FDFT1: variants seen among roughly 807,000 people sequenced by gnomAD.
FDFT1 encodes farnesyl-diphosphate farnesyltransferase 1, also known as squalene synthase.
FDFT1 carries 68 observed loss-of-function variants against 46.8 expected under a neutral mutation model. The observed-to-expected ratio is 1.45, with a 90% CI of 1.19 to 1.78. FDFT1 has a LOEUF of 1.78. Ranked by LOEUF, FDFT1 falls within the 40% of genes most tolerant of loss-of-function variation. The pLI is 0.00. For synonymous variants in FDFT1, 351 were observed against 185.1 expected, an observed-to-expected ratio of 1.90 and a Z score of -7.28; for missense variants, 928 against 524.4, an observed-to-expected ratio of 1.77 and a Z score of -7.52.
At chr8:11,837,503 A>C (rs1209980809) in intron 7 of FDFT1, among the ~76,000 whole-genome samples, 1 of 152,182 alleles carries the variant, frequency 6.6e-6, no homozygotes, top group Non-Finnish European at 1.5e-5. Context: ...AAGTGCTGGG[A>C]TTCCAAACAT....
chr8:11,813,826 A>G (rs566932954), intron 3 of FDFT1, among the ~76,000 whole-genome samples: 1 of 152,308 alleles, frequency 6.6e-6, no homozygotes, highest in South Asian at 2.1e-4. Context: ...TCCTGGCTCA[A>G]TTCACATGTC....
chr8:11,800,318 C>A (rs184325978), upstream of FDFT1, among the ~76,000 whole-genome samples: 1 of 139,012 alleles, frequency 7.2e-6, no homozygotes. Context: ...ATTTACTAAG[C>A]AGGCCATTTT....
intron 3 of FDFT1, among the ~76,000 whole-genome samples, chr8:11,816,384 G>C (rs1168189988): frequency 1.3e-5 from 2 of 152,132 alleles, no homozygotes; most frequent in Non-Finnish European, 2.9e-5. Context: ...ATTTAAAGTA[G>C]TTTTTTCCAA....
intron 3 of FDFT1, among the ~76,000 whole-genome samples, chr8:11,813,019 C>CT (rs1233508537): frequency 1.4e-5 from 2 of 147,590 alleles, no homozygotes; most frequent in Non-Finnish European, 3.0e-5. Flanking sequence ...GACGTAGGCT[C>CT]TGTGGTACAG....
chr8:11,804,207 G>C (rs569093258), intron 1 of FDFT1, among the ~76,000 whole-genome samples: 1 of 152,218 alleles, frequency 6.6e-6, no homozygotes, highest in Non-Finnish European at 1.5e-5. Flanking sequence ...AAGCACTGCA[G>C]AGGAAGATAC....
intron 4 of FDFT1, 142 bp from the exon 5 acceptor site, chr8:11,825,882 G>A (rs181549598): frequency 2.2e-6 from 1 of 461,190 alleles, no homozygotes; most frequent in Non-Finnish European, 3.9e-6. Context: ...TTAAATCCTG[G>A]TATGTATATT....
intron 1 of FDFT1, among the ~76,000 whole-genome samples, chr8:11,803,987 T>A (rs1032456111): frequency 6.6e-6 from 1 of 152,270 alleles, no homozygotes; most frequent in African/African-American, 2.4e-5. Flanking sequence ...CTTCTATTAT[T>A]TGATATGGCA....
In FDFT1 at chr8:11,825,799, AATAAAAAC is replaced by A. The variant is rs563187781; in HGVS notation, c.511-222_511-215del. Among the ~76,000 whole-genome samples the A allele has an allele frequency of 8.5e-5, 13 of 152,344 alleles. No individual in the cohort carries two copies. The South Asian group carries it at 2.7e-3, about 32-fold the overall frequency. On this transcript the variant is annotated intron_variant, in intron 4 of 7. Transcript: ENST00000220584. ...AGAAATTTGGAAAATACAAGTGAAAAATAAAAACATCAAATTCCCGTCAGCCAGAGACT... is the reference window on the plus strand; with the variant it reads ...AGAAATTTGGAAAATACAAGTGAAAAATCAAATTCCCGTCAGCCAGAGACT...
chr8:11,798,319 C>G (rs1300001742), upstream of FDFT1, among the ~76,000 whole-genome samples: 3 of 152,162 alleles, frequency 2.0e-5, no homozygotes, highest in Non-Finnish European at 2.9e-5. Context: ...ATTGGTCTTC[C>G]CAAGTGCTGG....
At position 11,809,820 on chromosome 8, in the gene FDFT1, G is replaced by C. The variant is rs1033734483; in HGVS notation, c.351G>C (p.Lys117Asn). The C allele has an allele frequency of 8.1e-6, 13 of 1,613,818 alleles. No individual in the cohort carries two copies. The African/African-American group carries it at 1.6e-4, about 20-fold the overall frequency. Residue 117 changes from lysine (K) to asparagine (N), a missense_variant, in exon 3 of 8, where the codon AAG (lysine) becomes AAC (asparagine). Transcript: ENST00000220584. ...PDWRFMESKE[K>N]DRQVLEDFPT... ...GGCGGTTCATGGAGAGCAAGGAGAA[G>C]GATCGCCAGGTGCTGGAGGACTTCC...
intron 3 of FDFT1, chr8:11,810,064 C>T (rs139028600): frequency 9.6e-6 from 5 of 519,000 alleles, no homozygotes; most frequent in Non-Finnish European, 1.7e-5. Flanking sequence ...TGGTTACTTA[C>T]AAAGACTCTC....
rs773358438 is a variant in FDFT1, at chr8:11,830,325, C to G, written c.784C>G (p.Leu262Val). 23 of 1,613,316 alleles carry G rather than the reference C, an allele frequency of 1.4e-5. No homozygotes were observed. Among genetic ancestry groups the G allele is most frequent in the African/African-American group, 2.7e-5 (2 of 74,892 alleles). Residue 262 changes from leucine (L) to valine (V), a missense_variant, in exon 6 of 8, where the codon CTT becomes GTT. By Grantham distance (32) the Leu-to-Val change is conservative. Transcript: ENST00000220584. The part of the protein sequence containing the change: ...IDLAVQCLNE[L>V]ITNALHHIPD... ...CTTGGCCGTGCAGTGCCTGAATGAA[C>G]TTATAACCAATGCACTGCACCACAT... is the stretch of plus-strand genomic sequence containing the variant.
In FDFT1 at chr8:11,808,727, C is replaced by G. The variant is rs1001231565; in HGVS notation, c.100-67C>G. ...TGCCCCAGTCCCACTCCCACTCCCA[C>G]TCCCACTCCCACTCCCACTCCTGCT... On this transcript the variant is annotated intron_variant, in intron 1 of 7. Coordinates refer to ENST00000220584, the MANE Select transcript of FDFT1 (RefSeq NM_004462.5). 1.9e-6 allele frequency: 3 copies of G among 1,565,858 alleles called. No individual in the cohort carries two copies. The highest frequency in any genetic ancestry group is 1.7e-6 in the Non-Finnish European group (2 of 1,158,874).
rs1811487262 is a variant in FDFT1, at chr8:11,835,992, A to AAAAAAAAAAAC, written c.1033-2393_1033-2392insAAAAAAACAAA. 2.0e-5 allele frequency among the ~76,000 whole-genome samples: 3 copies of AAAAAAAAAAAC among 148,512 alleles called. 1 individual carries two copies. Among genetic ancestry groups the AAAAAAAAAAAC allele is most frequent in the Non-Finnish European group, 4.5e-5 (3 of 66,912 alleles). ...CTACTAAAAAAAAAAAAAAAAAAAAAAAATACAAAAGTTAGTTGGGCATGG... is the reference window on the plus strand; with the variant it reads ...CTACTAAAAAAAAAAAAAAAAAAAAAAAAAAAAAAACAAATACAAAAGTTAGTTGGGCATGG... On this transcript the variant is annotated intron_variant, in intron 7 of 7. Coordinates refer to ENST00000220584, the MANE Select transcript of FDFT1 (RefSeq NM_004462.5).
At chr8:11,796,421 C>T (rs936821577) in intron 1 of FDFT1, among the ~76,000 whole-genome samples, 4 of 152,140 alleles carry the variant, frequency 2.6e-5, no homozygotes, top group Admixed American at 2.0e-4. Context: ...TTGGGAGGAA[C>T]CACTGAACAT....
intron 1 of FDFT1, among the ~76,000 whole-genome samples, chr8:11,804,258 G>T (rs185153460): frequency 6.6e-6 from 1 of 152,288 alleles, no homozygotes; most frequent in East Asian, 1.9e-4. Flanking sequence ...ACCTCATTTG[G>T]GTCCAGACTT....
chr8:11,814,923 G>C (rs1272602376), intron 3 of FDFT1, among the ~76,000 whole-genome samples: 3 of 151,972 alleles, frequency 2.0e-5, no homozygotes, highest in African/African-American at 7.3e-5. Context: ...CAACGTGCAG[G>C]TTTGTTACAT....
intron 3 of FDFT1, among the ~76,000 whole-genome samples, 173 bp from the exon 4 acceptor site, chr8:11,821,577 C>G (rs748591213): frequency 2.6e-5 from 4 of 152,074 alleles, no homozygotes; most frequent in African/African-American, 9.7e-5. Flanking sequence ...GGCAACATTG[C>G]GAGACTCCAT....
chr8:11,824,015 C>G (rs572137075), intron 4 of FDFT1, among the ~76,000 whole-genome samples: 1 of 151,924 alleles, frequency 6.6e-6, no homozygotes, highest in Non-Finnish European at 1.5e-5. Context: ...CAGGTGTGAG[C>G]CACTACACTC....
Sources: allele counts gnomAD v4.1 joint callset (sites outside exome capture counted in the v4.1 genomes callset), GRCh38; gene constraint gnomAD v4.1.1; transcripts MANE v1.5; gene names NCBI Gene and HGNC (gene_info 2026-07-23, HGNC 2026-07-21).